The following SLC14A2 variants were observed in gnomAD, a reference collection of about 807,000 sequenced individuals.
SLC14A2 encodes solute carrier family 14 member 2, also known as urea transporter 2.
SLC14A2 carries 91 observed loss-of-function variants against 104.6 expected under a neutral mutation model. The ratio of observed to expected loss-of-function variants is 0.87; its 90% CI spans 0.73 to 1.04. The LOEUF (loss-of-function observed/expected upper bound fraction) is 1.04. Ranked by LOEUF, SLC14A2 falls within the 50% of genes least tolerant of loss-of-function variation. The pLI is 0.00. For synonymous variants in SLC14A2, 476 were observed against 466.4 expected (o/e 1.02, Z -0.27); for missense variants, 1,189 against 1,156.0 (o/e 1.03, Z -0.41).
intron 1 of SLC14A2, among the ~76,000 whole-genome samples, chr18:45,379,721 T>C (rs1238356629): frequency 4.6e-5 from 7 of 152,236 alleles, no homozygotes; most frequent in African/African-American, 7.2e-5. Context: ...TGTGGGATTA[T>C]TTTAAGCTTT....
chr18:45,318,909 C>T (rs768906387), intron 1 of SLC14A2, among the ~76,000 whole-genome samples: 21 of 152,200 alleles, frequency 1.4e-4, no homozygotes, highest in African/African-American at 2.2e-4. Flanking sequence ...CCACCAGATT[C>T]GGAGCCACGC....
intron 1 of SLC14A2, among the ~76,000 whole-genome samples, chr18:45,408,030 G>T (rs1242290578): frequency 6.6e-6 from 1 of 152,184 alleles, no homozygotes; most frequent in Non-Finnish European, 1.5e-5. Flanking sequence ...TTCAAGGCAG[G>T]GTTGCCACAA....
At chr18:45,423,444 A>T (rs547147760) in intron 1 of SLC14A2, among the ~76,000 whole-genome samples, 1 of 152,318 alleles carries the variant, frequency 6.6e-6, no homozygotes, top group African/African-American at 2.4e-5. Flanking sequence ...CAGAGTGGCC[A>T]GTAATGTTGT....
intron 10 of SLC14A2, among the ~76,000 whole-genome samples, chr18:45,658,874 T>G (rs1213637050): frequency 6.6e-6 from 1 of 152,174 alleles, no homozygotes; most frequent in Non-Finnish European, 1.5e-5. Flanking sequence ...AAAGTGTTCC[T>G]GAACAAATCA....
At chr18:45,186,258 T>C in the SLC14A2 span, among the ~76,000 whole-genome samples, 1 of 152,240 alleles carries the variant, frequency 6.6e-6, no homozygotes, top group South Asian at 2.1e-4. Flanking sequence ...ATAATACTGG[T>C]TTAAAGATAG....
chr18:45,659,760 A>G (rs565232908), intron 10 of SLC14A2, among the ~76,000 whole-genome samples: 1 of 152,320 alleles, frequency 6.6e-6, no homozygotes, highest in African/African-American at 2.4e-5. Context: ...ATTTATACTA[A>G]GATACATTAT....
chr18:45,264,135 T>A (rs8086514), intron 1 of SLC14A2, among the ~76,000 whole-genome samples: 40,538 of 152,100 alleles, frequency 0.27, 6,064 homozygotes, highest in African/African-American at 0.41. Context: ...TCCATCTATC[T>A]TCTGTCTAAC....
upstream of SLC14A2, among the ~76,000 whole-genome samples, chr18:45,611,639 C>T (rs2044973139): frequency 6.6e-6 from 1 of 152,186 alleles, no homozygotes; most frequent in African/African-American, 2.4e-5. Context: ...GACTCACATG[C>T]CCACAGTCAT....
At chr18:45,657,173 T>C (rs1387934336) in intron 10 of SLC14A2, among the ~76,000 whole-genome samples, 1 of 152,100 alleles carries the variant, frequency 6.6e-6, no homozygotes, top group Non-Finnish European at 1.5e-5. Context: ...CAGAGTTGAA[T>C]TGAAAGATTT....
chr18:45,677,286 G>A (rs989289472), intron 18 of SLC14A2, among the ~76,000 whole-genome samples: 3 of 152,216 alleles, frequency 2.0e-5, no homozygotes, highest in African/African-American at 7.2e-5. Context: ...TTGGCTCTGG[G>A]TCCCAGGGAA....
chr18:45,171,791 G>A, the SLC14A2 span, among the ~76,000 whole-genome samples: 1 of 152,046 alleles, frequency 6.6e-6, no homozygotes, highest in Non-Finnish European at 1.5e-5. Flanking sequence ...ATTAGGACCT[G>A]GTGGTGAAAG....
upstream of SLC14A2, chr18:45,614,819 GAC>G (rs1278811007): frequency 2.7e-5 from 3 of 112,618 alleles, no homozygotes; most frequent in Non-Finnish European, 5.3e-5. Flanking sequence ...TTTTTTTTGA[GAC>G]ACAGTTTGCT....
intron 2 of SLC14A2, chr18:45,489,961 C>T (rs915826426): frequency 1.3e-5 from 2 of 152,038 alleles, no homozygotes; most frequent in African/African-American, 4.8e-5. Flanking sequence ...GAAACTGAAA[C>T]CCAGAGAGAT....
At chr18:45,653,194 T>C (rs902877101) in intron 10 of SLC14A2, among the ~76,000 whole-genome samples, 2 of 152,062 alleles carry the variant, frequency 1.3e-5, no homozygotes, top group South Asian at 4.2e-4. Flanking sequence ...CAGGCCTCCA[T>C]GCAGGCGACC....
chr18:45,421,411 G>A (rs1246831978), intron 1 of SLC14A2, among the ~76,000 whole-genome samples: 1 of 151,902 alleles, frequency 6.6e-6, no homozygotes, highest in Non-Finnish European at 1.5e-5. Flanking sequence ...AAAAGGTTTG[G>A]GAACAAACAC....
At chr18:45,539,990 T>C (rs774748417) in intron 2 of SLC14A2, among the ~76,000 whole-genome samples, 7 of 152,192 alleles carry the variant, frequency 4.6e-5, no homozygotes, top group African/African-American at 1.7e-4. Context: ...TACGGGGTGC[T>C]GAGCAATAGG....
rs75744762 is a variant in SLC14A2, at chr18:45,392,095, C to T, written c.-124-91138C>T. ...AAGTTTAATAACTTGTCCTGGGACA[C>T]GCAGAAAGTAGTGAAAGCAGAATCA... On this transcript the variant is annotated intron_variant, in intron 1 of 20. Transcript: ENST00000586448. 8.7e-4 allele frequency among the ~76,000 whole-genome samples: 133 copies of T among 152,298 alleles called. 1 individual carries two copies. The highest frequency in any genetic ancestry group is 1.7e-3 in the East Asian group (9 of 5,188).
intron 1 of SLC14A2, among the ~76,000 whole-genome samples, chr18:45,276,613 A>C (rs2084705555): frequency 6.6e-6 from 1 of 152,248 alleles, no homozygotes; most frequent in Non-Finnish European, 1.5e-5. Flanking sequence ...ATATTGAACA[A>C]AAATTTATTA....
At chr18:45,231,800 A>G (rs1038039197) in intron 1 of SLC14A2, among the ~76,000 whole-genome samples, 5 of 152,228 alleles carry the variant, frequency 3.3e-5, no homozygotes, top group African/African-American at 1.2e-4. Flanking sequence ...TAGTTCATTC[A>G]GTGAGTAGTT....
Sources: gnomAD v4.1 joint callset for allele counts (sites outside exome capture counted in the v4.1 genomes callset) on GRCh38, gnomAD v4.1.1 for gene constraint, MANE v1.5 for transcripts, NCBI Gene and HGNC (gene_info 2026-07-23, HGNC 2026-07-21) for gene names.